ITGA2B: variants seen among roughly 807,000 people sequenced by gnomAD.
The protein encoded by ITGA2B is integrin alpha-IIb.
A neutral mutation model predicts 142.0 loss-of-function variants in ITGA2B; 91 were observed. That is an observed-to-expected ratio of 0.64 (90% CI 0.54 to 0.76). The LOEUF (loss-of-function observed/expected upper bound fraction) is 0.76, where lower values mean the gene tolerates loss of function less well. ITGA2B is among the 30% of genes least tolerant of loss of function. ITGA2B has a pLI of 0.00. For missense variants in ITGA2B, 1,231 were observed against 1,350.8 expected (o/e 0.91, Z 1.39); for synonymous variants, 536 against 567.2 (o/e 0.94, Z 0.78).
intron 8 of ITGA2B, 30 bp downstream of exon 8, chr17:44,384,508 C>A: frequency 1.2e-6 from 2 of 1,613,980 alleles, no homozygotes; most frequent in South Asian, 2.2e-5. Flanking sequence ...GGCTGGGCTA[C>A]CCAACTCCCG....
At chr17:44,378,743 T>A in intron 18 of ITGA2B, 33 bp from the exon 19 acceptor site, 1 of 1,547,428 alleles carries the variant, frequency 6.5e-7, no homozygotes, top group Non-Finnish European at 8.7e-7. Context: ...GCGGGTAAGT[T>A]GGGGATGTGT....
intron 1 of ITGA2B, among the ~76,000 whole-genome samples, chr17:44,388,919 C>T (rs2143504860): frequency 6.6e-6 from 1 of 151,746 alleles, no homozygotes; most frequent in East Asian, 1.9e-4. Context: ...CCCGCCTCGG[C>T]CTCCCAAAGT....
chr17:44,376,415 A>C (rs1027937329), intron 22 of ITGA2B, 27 bp from the exon 23 acceptor site: 3 of 1,610,468 alleles, frequency 1.9e-6, no homozygotes, highest in East Asian at 4.5e-5. Flanking sequence ...GAGGAGAAAC[A>C]GGGCCAGGGA....
intron 24 of ITGA2B, 23 bp downstream of exon 24, chr17:44,376,062 A>G: frequency 1.2e-6 from 2 of 1,614,150 alleles, no homozygotes; most frequent in East Asian, 2.2e-5. Flanking sequence ...CACCCCAGCC[A>G]GGGACGCGAG....
Position 44,386,131 on chromosome 17 carries a change from T to G in ITGA2B, c.189A>C (p.Arg63Ser). The G allele has an allele frequency of 1.3e-6, 2 of 1,595,420 alleles. No homozygotes were observed. Among genetic ancestry groups the G allele is most frequent in the Non-Finnish European group, 1.7e-6 (2 of 1,173,420 alleles). Residue 63 changes from arginine (R) to serine (S), a missense_variant and splice_region_variant, in exon 2 of 30, where the codon AGA (arginine) becomes AGC (serine). Around this residue, in one of 3 missense-constraint regions of ITGA2B, gnomAD observed 318 missense variants for 312.2 expected, o/e 1.02. Transcript: ENST00000262407. ...SLDFHKDSHGRVAIVVGAPRT... is the reference protein window; with the variant it reads ...SLDFHKDSHGSVAIVVGAPRT... Reference sequence around the variant, plus strand: ...GCGGGGCGCCCACCACGATGGCCACTCTGCATAGGAAAGCTGGGTGAGCGC... The same window carrying G: ...GCGGGGCGCCCACCACGATGGCCACGCTGCATAGGAAAGCTGGGTGAGCGC...
At chr17:44,379,104 G>A (rs1336782762) in intron 18 of ITGA2B, among the ~76,000 whole-genome samples, 5 of 150,540 alleles carry the variant, frequency 3.3e-5, no homozygotes, top group Non-Finnish European at 7.4e-5. Context: ...CCGCCACCAC[G>A]CCCAGCTAAT....
At position 44,385,057 on chromosome 17, in the gene ITGA2B, T is replaced by G. The variant is rs776840984; in HGVS notation, c.690A>C (p.Pro230=). The change falls in exon 7 of 30, where the codon CCA becomes CCC. Residue 230 remains proline (P), a synonymous_variant. Coordinates refer to ENST00000262407, the MANE Select transcript of ITGA2B (RefSeq NM_000419.5). ...YYFLGLLAQA[P]VADIFSSYRP... ...GGTAACTCGAGAAAATATCCGCAAC[T>G]GGAGCCTGGGCCAGGAGACCTAGGG... is the stretch of plus-strand genomic sequence containing the variant. 17 of 1,613,728 alleles carry G rather than the reference T, an allele frequency of 1.1e-5. No individual in the cohort carries two copies. The highest frequency in any genetic ancestry group is 1.0e-4 in the Admixed American group (6 of 59,988).
Position 44,376,004 on chromosome 17 carries a change from C to T in ITGA2B, c.2449-19G>A. The T allele has an allele frequency of 6.2e-7, 1 of 1,614,064 alleles. No individual in the cohort carries two copies. The highest frequency in any genetic ancestry group is 8.5e-7 in the Non-Finnish European group (1 of 1,179,994). Reference sequence around the variant, plus strand: ...TGTGGAGCTGAAGGGGTGGTGGTGGCAGGGTGTGGGGAGCTTAGCGCCTCA... The same window carrying T: ...TGTGGAGCTGAAGGGGTGGTGGTGGTAGGGTGTGGGGAGCTTAGCGCCTCA... On this transcript the variant is annotated intron_variant, in intron 24 of 29. Coordinates refer to ENST00000262407, the MANE Select transcript of ITGA2B (RefSeq NM_000419.5).
At chr17:44,377,111 G>T (rs777066928) in intron 21 of ITGA2B, 23 bp from the exon 22 acceptor site, 39 of 1,547,550 alleles carry the variant, frequency 2.5e-5, no homozygotes, top group Non-Finnish European at 3.3e-5. Flanking sequence ...GAGGGCCAAG[G>T]TCACTGCCCA....
chr17:44,385,785 C>T (rs530597662), intron 3 of ITGA2B, 39 bp downstream of exon 3: 26 of 1,610,230 alleles, frequency 1.6e-5, no homozygotes, highest in African/African-American at 2.7e-5. Context: ...GGTGTCCCTG[C>T]CCCCGATTGT....
chr17:44,381,918 G>A (rs924146453), intron 12 of ITGA2B, among the ~76,000 whole-genome samples: 5 of 152,048 alleles, frequency 3.3e-5, no homozygotes, highest in African/African-American at 9.7e-5. Context: ...GTGAGCCACC[G>A]TGCCTGGCCA....
At chr17:44,388,898 C>T (rs552692063) in intron 1 of ITGA2B, among the ~76,000 whole-genome samples, 1 of 150,596 alleles carries the variant, frequency 6.6e-6, no homozygotes, top group Non-Finnish European at 1.5e-5. Flanking sequence ...TTCTCGACCT[C>T]AGGTGATCTG....
chr17:44,375,702 C>G lies in ITGA2B; in HGVS notation c.2616G>C (p.Leu872=). The G allele has an allele frequency of 6.3e-7, 1 of 1,586,986 alleles. No individual in the cohort carries two copies. The highest frequency in any genetic ancestry group is 8.6e-7 in the Non-Finnish European group (1 of 1,166,904). ...PVNPLKVDWG[L]PIPSPSPIHP... The stretch of plus-strand genomic sequence containing the variant: ...GAATGGGGGAGGGGCTGGGGATGGG[C>G]AGCCCCCAGTCCACCTGGGGGGGCA... Residue 872 remains leucine (L), a synonymous_variant, in exon 26 of 30, where the codon CTG becomes CTC. Coordinates refer to ENST00000262407, the MANE Select transcript of ITGA2B (RefSeq NM_000419.5).
intron 8 of ITGA2B, 27 bp from the exon 9 acceptor site, chr17:44,384,381 G>A (rs779654176): frequency 6.2e-7 from 1 of 1,613,630 alleles, no homozygotes; most frequent in Non-Finnish European, 8.5e-7. Flanking sequence ...CCAGGCTCAG[G>A]GAATGAGAGC....
chr17:44,376,875 C>T lies in ITGA2B; in HGVS notation c.2267+134G>A, dbSNP rs850732. ...TGATCCTTCTGCCTTGGCCTCGCAA[C>T]GTGCTGGGATTACAGGTGTGAGCCA... On this transcript the variant is annotated intron_variant, in intron 22 of 29. Transcript: ENST00000262407. 0.38 allele frequency: 274,372 copies of T among 722,998 alleles called. 52,430 individuals are homozygous for T. Among genetic ancestry groups the T allele is most frequent in the East Asian group, 0.43 (15,788 of 36,684 alleles). The allele number at this position is 722,998 out of a possible 1,614,324, so 44.8% of individuals were successfully genotyped here.
At chr17:44,383,354 A>C in intron 12 of ITGA2B, 139 bp downstream of exon 12, 1 of 790,600 alleles carries the variant, frequency 1.3e-6, no homozygotes. Context: ...TCTGCTCTCC[A>C]CTCAGCACCC....
rs2048534441 is a variant in ITGA2B at position 44,375,616 on chromosome 17, G to A, written c.2702C>T (p.Ser901Leu). 1 of 1,614,022 alleles carries A rather than the reference G, an allele frequency of 6.2e-7. No individual in the cohort carries two copies. Residue 901 changes from serine (S) to leucine (L), a missense_variant, in exon 26 of 30, where the codon TCG becomes TTG. This residue lies in a region of ITGA2B where 908 missense variants were observed against 1,021.1 expected (regional missense o/e 0.89). Transcript: ENST00000262407. Reference sequence around the variant, plus strand: ...TACGAGAACTGGATCCTGAAGCCTCGAGGGCTGCTCGGGCTCTGGCAGGAA... The same window carrying A: ...TACGAGAACTGGATCCTGAAGCCTCAAGGGCTGCTCGGGCTCTGGCAGGAA... ...QIFLPEPEQP[S>L]RLQDPVLVSC...
chr17:44,383,085 G>A (rs2143474334), intron 12 of ITGA2B, among the ~76,000 whole-genome samples: 1 of 152,170 alleles, frequency 6.6e-6, no homozygotes, highest in South Asian at 2.1e-4. Flanking sequence ...GTCCAGAGCT[G>A]AACTGCTGAT....
chr17:44,386,121 C>T lies in ITGA2B; in HGVS notation c.199G>A (p.Val67Met). The change falls in exon 2 of 30, where the codon GTG (valine) becomes ATG (methionine). Residue 67 changes from valine to methionine, a missense_variant. Around this residue, in one of 3 missense-constraint regions of ITGA2B, gnomAD observed 318 missense variants for 312.2 expected, o/e 1.02. Transcript: ENST00000262407. ...HKDSHGRVAIVVGAPRTLGPS... is the reference protein window; with the variant it reads ...HKDSHGRVAIMVGAPRTLGPS... ...CCCAGGGTCCGCGGGGCGCCCACCA[C>T]GATGGCCACTCTGCATAGGAAAGCT... is the stretch of plus-strand genomic sequence containing the variant. The T allele has an allele frequency of 1.3e-6, 2 of 1,599,734 alleles. No homozygotes were observed. The highest frequency in any genetic ancestry group is 1.7e-6 in the Non-Finnish European group (2 of 1,175,462).
Sources: gnomAD v4.1 joint callset for allele counts (sites outside exome capture counted in the v4.1 genomes callset) on GRCh38, gnomAD v4.1.1 for gene constraint, gnomAD v4.1.1 regional missense constraint, MANE v1.5 for transcripts, NCBI Gene and HGNC (gene_info 2026-07-23, HGNC 2026-07-21) for gene names.